The following MAN2A1 variants were observed in gnomAD, a reference collection of about 807,000 sequenced individuals.
MAN2A1 encodes mannosidase alpha class 2A member 1, also known as alpha-mannosidase 2.
MAN2A1 carries 76 observed loss-of-function variants against 142.6 expected under a neutral mutation model. The ratio of observed to expected loss-of-function variants is 0.53; its 90% CI spans 0.44 to 0.65. The LOEUF (loss-of-function observed/expected upper bound fraction) is 0.65. Among genes scored for constraint, MAN2A1 ranks in the 30% least tolerant of loss-of-function variants. The pLI is 0.00. For synonymous variants in MAN2A1, 559 were observed against 473.2 expected (o/e 1.18, Z -2.35); for missense variants, 1,311 against 1,365.1 (o/e 0.96, Z 0.62).
At chr5:109,712,736 A>T (rs1246220723) in intron 1 of MAN2A1, among the ~76,000 whole-genome samples, 1 of 152,168 alleles carries the variant, frequency 6.6e-6, no homozygotes, top group Admixed American at 6.5e-5. Flanking sequence ...GTGGCCATTC[A>T]CTAAAGAATT....
chr5:109,795,091 T>C (rs922322304), intron 12 of MAN2A1, among the ~76,000 whole-genome samples: 2 of 152,188 alleles, frequency 1.3e-5, no homozygotes, highest in Non-Finnish European at 2.9e-5. Flanking sequence ...TTAAAAATTA[T>C]TTGCATTGAC....
chr5:109,867,095 T>A lies in MAN2A1; in HGVS notation c.*97T>A. ...GCACATTATTTTAGCTTCTGGCTAC[T>A]GTGAGAACATGAATTCTGTGATTCT... is the stretch of plus-strand genomic sequence containing the variant. On this transcript the variant is annotated 3_prime_UTR_variant, in exon 22 of 22. Coordinates refer to ENST00000261483, the MANE Select transcript of MAN2A1 (RefSeq NM_002372.4). 1.1e-6 allele frequency: 1 copy of A among 877,022 alleles called. No homozygotes were observed. Among genetic ancestry groups the A allele is most frequent in the Non-Finnish European group, 1.7e-6 (1 of 601,868 alleles). 54.3% of individuals were successfully genotyped at this position (877,022 alleles called of 1,614,324 possible).
chr5:109,819,734 T>C lies in MAN2A1; in HGVS notation c.2175T>C (p.Ser725=). 6.2e-7 allele frequency: 1 copy of C among 1,612,564 alleles called. No homozygotes were observed. Among genetic ancestry groups the C allele is most frequent in the Non-Finnish European group, 8.5e-7 (1 of 1,179,254 alleles). ...TGTATAAGATTTTGGAATCAGCAAGTTCAAATTCACATTTAGCTGATTATG... is the reference window on the plus strand; with the variant it reads ...TGTATAAGATTTTGGAATCAGCAAGCTCAAATTCACATTTAGCTGATTATG... ...LKVYKILESA[S]SNSHLADYVL... is the part of the protein sequence containing the mutation. Residue 725 remains serine (S), a synonymous_variant, in exon 14 of 22, where the codon AGT becomes AGC. Transcript: ENST00000261483.
At chr5:109,836,648 G>A (rs1434820174) in intron 16 of MAN2A1, among the ~76,000 whole-genome samples, 3 of 152,026 alleles carry the variant, frequency 2.0e-5, no homozygotes, top group South Asian at 4.1e-4. Flanking sequence ...GCCTCCTGAC[G>A]GTGACCTACT....
intron 19 of MAN2A1, among the ~76,000 whole-genome samples, chr5:109,849,997 G>A (rs533454195): frequency 2.6e-4 from 39 of 152,242 alleles, no homozygotes; most frequent in Non-Finnish European, 4.6e-4. Flanking sequence ...CTTGGTGATA[G>A]TTCCGGTTAG....
intron 4 of MAN2A1, among the ~76,000 whole-genome samples, chr5:109,751,573 T>G (rs1210196732): frequency 6.6e-6 from 1 of 151,974 alleles, no homozygotes; most frequent in Non-Finnish European, 1.5e-5. Context: ...TTAGTTTTTT[T>G]TTTTAAATAA....
At chr5:109,725,200 C>T (rs1751709549) in intron 3 of MAN2A1, among the ~76,000 whole-genome samples, 1 of 152,208 alleles carries the variant, frequency 6.6e-6, no homozygotes. Flanking sequence ...AGGTCTTCTC[C>T]TCTTGCCTGG....
Position 109,690,283 on chromosome 5 carries a change from T to A in MAN2A1, c.-135T>A. On this transcript the variant is annotated 5_prime_UTR_variant, in exon 1 of 22. Transcript: ENST00000261483. Reference sequence around the variant, plus strand: ...ACTAGGTGCGGAGCAAGGCGGGGACTCGCACCCGCATCCGAGAGCGCGGAG... The same window carrying A: ...ACTAGGTGCGGAGCAAGGCGGGGACACGCACCCGCATCCGAGAGCGCGGAG... The A allele has an allele frequency of 1.2e-6, 1 of 868,250 alleles. No individual in the cohort carries two copies. The highest frequency in any genetic ancestry group is 1.9e-6 in the Non-Finnish European group (1 of 538,572). 53.8% of individuals were successfully genotyped at this position (868,250 alleles called of 1,614,324 possible). A position where few individuals can be genotyped will look rare whatever the true frequency, so the allele number is the denominator to read the frequency against.
At chr5:109,753,939 C>T (rs1752613557) in intron 4 of MAN2A1, among the ~76,000 whole-genome samples, 1 of 150,222 alleles carries the variant, frequency 6.7e-6, no homozygotes, top group African/African-American at 2.5e-5. Context: ...CACAATGTCT[C>T]ACTCTGTCTC....
chr5:109,865,440 C>T (rs1755854086), intron 21 of MAN2A1: 1 of 352,470 alleles, frequency 2.8e-6, no homozygotes, highest in Non-Finnish European at 5.4e-6. Flanking sequence ...TCCCAGTCCC[C>T]CAGTTTTCTC....
chr5:109,858,960 C>T (rs958199512), intron 20 of MAN2A1, among the ~76,000 whole-genome samples: 4 of 152,138 alleles, frequency 2.6e-5, no homozygotes, highest in Non-Finnish European at 5.9e-5. Context: ...ATTCACTGTG[C>T]CCGGATCACA....
intron 19 of MAN2A1, 35 bp from the exon 20 acceptor site, chr5:109,855,105 T>C (rs201008359): frequency 2.1e-5 from 25 of 1,195,662 alleles, no homozygotes; most frequent in East Asian, 1.1e-4. Context: ...ACTGGAAATA[T>C]AGACCTCTTA....
chr5:109,743,179 C>A (rs1446658985), intron 4 of MAN2A1, among the ~76,000 whole-genome samples: 1 of 152,164 alleles, frequency 6.6e-6, no homozygotes, highest in African/African-American at 2.4e-5. Context: ...TTTTTCATCA[C>A]CTCTCTGATT....
At chr5:109,863,824 A>T (rs1249854810) in intron 20 of MAN2A1, 1 of 152,222 alleles carries the variant, frequency 6.6e-6, no homozygotes, top group African/African-American at 2.4e-5. Context: ...CATATGATTT[A>T]AAATTGCTGT....
intron 4 of MAN2A1, among the ~76,000 whole-genome samples, chr5:109,738,654 A>G (rs1378150817): frequency 6.6e-6 from 1 of 152,090 alleles, no homozygotes; most frequent in Admixed American, 6.5e-5. Flanking sequence ...TAATATTGAA[A>G]CCAATTTTAT....
intron 4 of MAN2A1, among the ~76,000 whole-genome samples, chr5:109,740,883 A>C (rs955532759): frequency 6.6e-6 from 1 of 152,092 alleles, no homozygotes; most frequent in African/African-American, 2.4e-5. Flanking sequence ...CTCTACCTGG[A>C]TGCAAATTTT....
At chr5:109,697,719 G>T (rs1561464897) in intron 1 of MAN2A1, among the ~76,000 whole-genome samples, 1 of 152,158 alleles carries the variant, frequency 6.6e-6, no homozygotes, top group Non-Finnish European at 1.5e-5. Flanking sequence ...GCCCTTTTCA[G>T]AGTTTGCCAA....
chr5:109,836,205 G>A (rs1755051314), intron 16 of MAN2A1, among the ~76,000 whole-genome samples: 1 of 151,966 alleles, frequency 6.6e-6, no homozygotes, highest in Admixed American at 6.5e-5. Context: ...TGCCTCCTAG[G>A]TTCAAGTGAT....
intron 11 of MAN2A1, 116 bp from the exon 12 acceptor site, chr5:109,789,344 C>T: frequency 3.2e-6 from 2 of 619,700 alleles, no homozygotes; most frequent in Non-Finnish European, 5.4e-6. Flanking sequence ...TGATATTTAA[C>T]TTTTTATAAG....
Sources: allele counts gnomAD v4.1 joint callset (sites outside exome capture counted in the v4.1 genomes callset), GRCh38; gene constraint gnomAD v4.1.1; transcripts MANE v1.5; gene names NCBI Gene and HGNC (gene_info 2026-07-23, HGNC 2026-07-21).